The following HAT1 variants were observed in gnomAD, a reference collection of about 807,000 sequenced individuals.
HAT1 encodes histone acetyltransferase 1, also known as histone acetyltransferase type B catalytic subunit.
Under a neutral mutation model 56.6 loss-of-function variants are expected in HAT1, and 20 were observed. That is an observed-to-expected ratio of 0.35 (90% confidence interval 0.25 to 0.51). The LOEUF is 0.51. HAT1 is among the 20% of genes least tolerant of loss of function. HAT1 has a pLI of 0.95. For synonymous variants in HAT1, 146 were observed against 165.5 expected, an observed-to-expected ratio of 0.88 and a Z score of 0.91; for missense variants, 408 against 504.3, an observed-to-expected ratio of 0.81 and a Z score of 1.83.
Position 171,976,226 on chromosome 2 carries a change from CCT to C in HAT1, c.894_895del (p.Cys299PhefsTer12), listed in dbSNP as rs1167691033. On this transcript the variant is annotated frameshift_variant, in exon 9 of 11. Transcript: ENST00000264108. LOFTEE classifies it high-confidence loss of function. The stretch of plus-strand genomic sequence containing the variant: ...CTTGTGAAGCTTTGTCAAGATTTGC[CCT>C]GTTTTTCCCGGGAAAAATTAATGCA... The C allele has an allele frequency of 2.5e-6, 4 of 1,592,604 alleles. No individual in the cohort carries two copies. In the African/African-American group the frequency reaches 4.1e-5, roughly 16 times the overall value.
chr2:171,965,642 T>A, intron 5 of HAT1, 125 bp downstream of exon 5: 1 of 972,536 alleles, frequency 1.0e-6, no homozygotes, highest in Non-Finnish European at 1.6e-6. Flanking sequence ...TAAACCAAGA[T>A]CTATTTTGTG....
chr2:171,924,843 T>C (rs893500551), intron 1 of HAT1: 3 of 152,190 alleles, frequency 2.0e-5, no homozygotes, highest in African/African-American at 7.2e-5. Flanking sequence ...TAAAATGAAA[T>C]TCTGTCATAA....
At chr2:171,977,546 TATATATATA>T (rs1688011853) in intron 9 of HAT1, among the ~76,000 whole-genome samples, 1 of 14,960 alleles carries the variant, frequency 6.7e-5, no homozygotes, top group Non-Finnish European at 1.2e-4. Context: ...TATATATATA[TATATATATA>T]TATTTTTTTT....
chr2:171,930,947 C>T (rs139896211), intron 2 of HAT1, among the ~76,000 whole-genome samples: 3 of 151,960 alleles, frequency 2.0e-5, no homozygotes, highest in African/African-American at 4.8e-5. Context: ...TAGATTATTT[C>T]AGATTTCCTG....
intron 2 of HAT1, among the ~76,000 whole-genome samples, chr2:171,926,398 A>T (rs1686593481): frequency 6.6e-6 from 1 of 152,086 alleles, no homozygotes; most frequent in African/African-American, 2.4e-5. Context: ...GGTTCTAGTG[A>T]TTCTCCTGCC....
chr2:171,928,079 T>A (rs1418991218), intron 2 of HAT1, among the ~76,000 whole-genome samples: 1 of 151,970 alleles, frequency 6.6e-6, no homozygotes, highest in Non-Finnish European at 1.5e-5. Context: ...TAGAGACGGT[T>A]TCATCATGTT....
At chr2:171,972,805 CTCTT>C (rs1687852962) in intron 8 of HAT1, among the ~76,000 whole-genome samples, 2 of 152,374 alleles carry the variant, frequency 1.3e-5, no homozygotes, top group Admixed American at 1.3e-4. Context: ...TTGCTTTCCT[CTCTT>C]TCTTCCTCTT....
At chr2:171,960,460 T>C (rs527486682) in intron 4 of HAT1, among the ~76,000 whole-genome samples, 6 of 152,220 alleles carry the variant, frequency 3.9e-5, no homozygotes, top group Non-Finnish European at 7.3e-5. Context: ...TCATACTGCA[T>C]AGATGGTCAG....
chr2:171,978,128 G>A (rs145866308), intron 9 of HAT1, among the ~76,000 whole-genome samples: 2,805 of 146,904 alleles, frequency 0.019, 58 homozygotes, highest in Admixed American at 0.071. Context: ...GTGTAATCAC[G>A]GCTACGGCTC....
At chr2:171,977,002 C>T (rs1243926921) in intron 9 of HAT1, among the ~76,000 whole-genome samples, 1 of 150,290 alleles carries the variant, frequency 6.7e-6, no homozygotes, top group Non-Finnish European at 1.5e-5. Flanking sequence ...GGTGAAACCC[C>T]ACCTCTACTA....
chr2:171,943,897 C>G (rs1687091402), intron 2 of HAT1, among the ~76,000 whole-genome samples: 2 of 151,884 alleles, frequency 1.3e-5, no homozygotes, highest in Non-Finnish European at 2.9e-5. Context: ...GCCTGTAATT[C>G]CAGCACTTTG....
intron 2 of HAT1, among the ~76,000 whole-genome samples, chr2:171,940,664 G>C (rs979645989): frequency 2.0e-5 from 3 of 152,126 alleles, no homozygotes; most frequent in Non-Finnish European, 2.9e-5. Context: ...AACTCCAAAG[G>C]CTTGTCTTTT....
intron 3 of HAT1, among the ~76,000 whole-genome samples, chr2:171,948,298 C>T (rs1393909256): frequency 2.6e-5 from 4 of 152,214 alleles, no homozygotes; most frequent in African/African-American, 2.4e-5. Context: ...TATCTCAACT[C>T]ACTGCAACCT....
chr2:171,945,291 T>C (rs1687130515), intron 2 of HAT1, among the ~76,000 whole-genome samples: 2 of 152,010 alleles, frequency 1.3e-5, no homozygotes, highest in Non-Finnish European at 2.9e-5. Context: ...CAAATACAAA[T>C]AAAAATAATA....
chr2:171,971,015 A>G (rs995394940), intron 8 of HAT1, among the ~76,000 whole-genome samples: 5 of 151,902 alleles, frequency 3.3e-5, no homozygotes, highest in East Asian at 4.0e-4. Flanking sequence ...CTTGGCTAAC[A>G]TGGTGAAACC....
Position 171,955,350 on chromosome 2 carries a change from G to A in HAT1, c.309+2349G>A, listed in dbSNP as rs1230842915. On this transcript the variant is annotated intron_variant, in intron 4 of 10. Transcript: ENST00000264108. ...ATATGGGCTGGGCGCAGTGGCTCAT[G>A]CCTGTAATCCCAGCAATTTAGAAGG... 2.6e-5 allele frequency among the ~76,000 whole-genome samples: 4 copies of A among 152,206 alleles called. No homozygotes were observed. The East Asian group carries it at 7.7e-4, about 29-fold the overall frequency.
intron 2 of HAT1, among the ~76,000 whole-genome samples, chr2:171,927,471 A>G (rs942689641): frequency 6.6e-6 from 1 of 152,070 alleles, no homozygotes; most frequent in Admixed American, 6.6e-5. Context: ...TCATTTTTCA[A>G]TTACTTCATT....
chr2:171,953,483 A>G (rs1035755513), intron 4 of HAT1, among the ~76,000 whole-genome samples: 3 of 151,586 alleles, frequency 2.0e-5, no homozygotes, highest in African/African-American at 7.3e-5. Context: ...GTTGGAAACC[A>G]GCCTGGACAA....
In HAT1 at chr2:171,965,349, T is replaced by C; in HGVS notation, c.321T>C (p.Val107=). 6.2e-7 allele frequency: 1 copy of C among 1,600,022 alleles called. No individual in the cohort carries two copies. The highest frequency in any genetic ancestry group is 8.5e-7 in the Non-Finnish European group (1 of 1,169,866). ...CCTTTATTCTTTAGGCAGATGATGT[T>C]GAGGGCAAAATTAGACAAATCATTC... ...ENFDCVEADD[V]EGKIRQIIPP... The change falls in exon 5 of 11, where the codon GTT becomes GTC. Residue 107 remains valine, a synonymous_variant. Transcript: ENST00000264108.
Sources: gnomAD v4.1 joint callset for allele counts (sites outside exome capture counted in the v4.1 genomes callset) on GRCh38, gnomAD v4.1.1 for gene constraint, MANE v1.5 for transcripts, NCBI Gene and HGNC (gene_info 2026-07-23, HGNC 2026-07-21) for gene names.